The following EXOC6B variants were observed in gnomAD, a reference collection of about 807,000 sequenced individuals.
The protein encoded by EXOC6B is exocyst complex component 6B.
A neutral mutation model predicts 113.5 loss-of-function variants in EXOC6B; 54 were observed. The ratio of observed to expected loss-of-function variants is 0.48; its 90% confidence interval spans 0.38 to 0.60. The LOEUF is 0.60. EXOC6B is among the 20% of genes least tolerant of loss of function. The probability of loss-of-function intolerance (pLI) is 0.00; values close to 1 mark genes in which losing one functional copy is unlikely to be tolerated. For synonymous variants in EXOC6B, 357 were observed against 339.0 expected, an observed-to-expected ratio of 1.05 and a Z score of -0.58; for missense variants, 797 against 977.5, an observed-to-expected ratio of 0.82 and a Z score of 2.46.
chr2:72,636,313 G>A (rs906555712), intron 6 of EXOC6B, among the ~76,000 whole-genome samples: 3 of 134,036 alleles, frequency 2.2e-5, no homozygotes, highest in African/African-American at 8.1e-5. Context: ...GGGAGGCAGG[G>A]AGGGAGGGAG....
At chr2:72,677,924 C>A (rs926876265) in intron 6 of EXOC6B, among the ~76,000 whole-genome samples, 1 of 152,124 alleles carries the variant, frequency 6.6e-6, no homozygotes, top group African/African-American at 2.4e-5. Context: ...GGTCTAAGGA[C>A]AATCAACCAC....
At chr2:72,449,213 C>G (rs920902912) in intron 18 of EXOC6B, among the ~76,000 whole-genome samples, 5 of 151,752 alleles carry the variant, frequency 3.3e-5, no homozygotes, top group African/African-American at 1.2e-4. Context: ...GACGGAGTCT[C>G]GCTCTGTCGC....
At position 72,244,193 on chromosome 2, in the gene EXOC6B, C is replaced by G. The variant is rs192420960; in HGVS notation, c.2197-60006G>C. On this transcript the variant is annotated intron_variant, in intron 20 of 21. Coordinates refer to ENST00000272427, the MANE Select transcript of EXOC6B (RefSeq NM_015189.3). ...CAGATTTAAACAAGTAGAAATGATA[C>G]AAAGTGTGCTCTAATAATGCCATAA... 3.9e-5 allele frequency among the ~76,000 whole-genome samples: 6 copies of G among 152,154 alleles called. No homozygotes were observed. In the East Asian group the frequency reaches 1.2e-3, roughly 29 times the overall value.
intron 6 of EXOC6B, among the ~76,000 whole-genome samples, chr2:72,608,187 G>T (rs893592268): frequency 6.6e-6 from 1 of 151,896 alleles, no homozygotes; most frequent in Non-Finnish European, 1.5e-5. Context: ...ATTAATATTT[G>T]GTACACAAAA....
intron 20 of EXOC6B, among the ~76,000 whole-genome samples, chr2:72,272,267 G>A (rs1341173836): frequency 6.6e-6 from 1 of 152,144 alleles, no homozygotes; most frequent in Non-Finnish European, 1.5e-5. Flanking sequence ...AATTTGCAAA[G>A]ATGTATTTCC....
chr2:72,321,850 TA>T (rs1481296260), intron 20 of EXOC6B, among the ~76,000 whole-genome samples: 6 of 152,152 alleles, frequency 3.9e-5, no homozygotes, highest in Admixed American at 3.9e-4. Flanking sequence ...TATAAAGCTG[TA>T]TATTTAAGAA....
At chr2:72,408,525 C>G (rs547140059) in intron 18 of EXOC6B, among the ~76,000 whole-genome samples, 1 of 152,052 alleles carries the variant, frequency 6.6e-6, no homozygotes, top group Non-Finnish European at 1.5e-5. Flanking sequence ...GAGATATAGA[C>G]CAATGGAACA....
chr2:72,685,436 G>T (rs567027121), intron 6 of EXOC6B, among the ~76,000 whole-genome samples: 1 of 152,236 alleles, frequency 6.6e-6, no homozygotes, highest in African/African-American at 2.4e-5. Context: ...CCAGAGGGAA[G>T]ATTGGTCCCA....
chr2:72,205,256 A>G (rs1310332464), intron 20 of EXOC6B, among the ~76,000 whole-genome samples: 1 of 152,142 alleles, frequency 6.6e-6, no homozygotes, highest in Non-Finnish European at 1.5e-5. Context: ...AGACTGGATA[A>G]AGACTAGACC....
At chr2:72,511,776 C>T (rs1359514528) in intron 11 of EXOC6B, among the ~76,000 whole-genome samples, 1 of 152,100 alleles carries the variant, frequency 6.6e-6, no homozygotes, top group Non-Finnish European at 1.5e-5. Flanking sequence ...CCACTCTGGA[C>T]TTCTTTCAGG....
intron 2 of EXOC6B, among the ~76,000 whole-genome samples, chr2:72,738,232 T>C (rs1314307135): frequency 6.6e-6 from 1 of 152,174 alleles, no homozygotes; most frequent in Non-Finnish European, 1.5e-5. Flanking sequence ...ATGTATACAT[T>C]TTTTAGAGAG....
chr2:72,409,471 T>C (rs1694017309), intron 18 of EXOC6B, among the ~76,000 whole-genome samples: 1 of 152,172 alleles, frequency 6.6e-6, no homozygotes, highest in Non-Finnish European at 1.5e-5. Flanking sequence ...CCAACCCAAA[T>C]GTCCAACAAT....
intron 20 of EXOC6B, among the ~76,000 whole-genome samples, chr2:72,279,369 T>C (rs910552683): frequency 6.6e-6 from 1 of 152,118 alleles, no homozygotes; most frequent in Non-Finnish European, 1.5e-5. Flanking sequence ...AGTCCTTAAA[T>C]TAGAATTTAA....
intron 13 of EXOC6B, 44 bp downstream of exon 13, chr2:72,498,410 A>G (rs768198916): frequency 6.0e-6 from 8 of 1,334,606 alleles, no homozygotes; most frequent in Non-Finnish European, 8.5e-6. Flanking sequence ...GTGTACACTA[A>G]TGTACATGAA....
At chr2:72,251,579 G>A (rs1683018242) in intron 20 of EXOC6B, among the ~76,000 whole-genome samples, 1 of 152,146 alleles carries the variant, frequency 6.6e-6, no homozygotes, top group Admixed American at 6.6e-5. Flanking sequence ...TATTTTTTAA[G>A]TAGGACAAAT....
chr2:72,489,208 C>T lies in EXOC6B; in HGVS notation c.1665+3110G>A, dbSNP rs547286326. On this transcript the variant is annotated intron_variant, in intron 16 of 21. Transcript: ENST00000272427. Reference sequence around the variant, plus strand: ...CTCCATAGCATTCACTACCTTTAACCATACTACAAAATTGACTTAATTATT... The same window carrying T: ...CTCCATAGCATTCACTACCTTTAACTATACTACAAAATTGACTTAATTATT... Among the ~76,000 whole-genome samples the T allele has an allele frequency of 2.5e-3, 379 of 152,298 alleles. 2 individuals are homozygous for T. Among genetic ancestry groups the T allele is most frequent in the African/African-American group, 8.4e-3 (348 of 41,576 alleles).
intron 2 of EXOC6B, 134 bp downstream of exon 2, chr2:72,741,170 A>G (rs757342352): frequency 4.8e-6 from 4 of 827,402 alleles, no homozygotes; most frequent in Non-Finnish European, 7.2e-6. Context: ...TGTACGTTTC[A>G]GTATAAATTC....
intron 19 of EXOC6B, among the ~76,000 whole-genome samples, chr2:72,338,706 G>T (rs370273078): frequency 6.6e-6 from 1 of 151,954 alleles, no homozygotes. Flanking sequence ...AAATATAGGA[G>T]ACTTTGTATA....
chr2:72,314,000 G>C (rs1413599937), intron 20 of EXOC6B, among the ~76,000 whole-genome samples: 2 of 152,098 alleles, frequency 1.3e-5, no homozygotes, highest in Non-Finnish European at 2.9e-5. Context: ...CATTGAGAAA[G>C]GGGATGAAAG....
Sources: gnomAD v4.1 joint callset for allele counts (sites outside exome capture counted in the v4.1 genomes callset) on GRCh38, gnomAD v4.1.1 for gene constraint, MANE v1.5 for transcripts, NCBI Gene and HGNC (gene_info 2026-07-23, HGNC 2026-07-21) for gene names.